The following IL23R variants were observed in gnomAD, a reference collection of about 807,000 sequenced individuals.
IL23R encodes the protein interleukin 23 receptor.
Under a neutral mutation model 56.9 loss-of-function variants are expected in IL23R, and 34 were observed. The ratio of observed to expected loss-of-function variants is 0.60; its 90% CI spans 0.45 to 0.80. The LOEUF is 0.80. Ranked by LOEUF, IL23R falls within the 30% of genes least tolerant of loss-of-function variation. The pLI, the probability that IL23R is intolerant of heterozygous loss-of-function variation, is 0.00. For missense variants in IL23R, 635 were observed against 730.0 expected, an observed-to-expected ratio of 0.87 and a Z score of 1.50; for synonymous variants, 230 against 249.2, an observed-to-expected ratio of 0.92 and a Z score of 0.73.
intron 8 of IL23R, among the ~76,000 whole-genome samples, chr1:67,239,913 A>T (rs1233866640): frequency 1.3e-5 from 2 of 152,214 alleles, no homozygotes; most frequent in Admixed American, 1.3e-4. Flanking sequence ...GCACAAGCCG[A>T]CCACATTTGC....
intron 4 of IL23R, among the ~76,000 whole-genome samples, chr1:67,185,591 T>C (rs572791176): frequency 6.6e-6 from 1 of 152,254 alleles, no homozygotes; most frequent in South Asian, 2.1e-4. Context: ...GAGAATAACC[T>C]AATCTTGCTC....
In IL23R at chr1:67,182,862, A is replaced by T; in HGVS notation, c.394A>T (p.Thr132Ser). 5 of 1,614,072 alleles carry T rather than the reference A, an allele frequency of 3.1e-6. No homozygotes were observed. Among genetic ancestry groups the T allele is most frequent in the Non-Finnish European group, 4.2e-6 (5 of 1,179,964 alleles). Residue 132 changes from threonine to serine, a missense_variant, in exon 4 of 11, where the codon ACC becomes TCC. Physicochemically the swap from Thr to Ser is moderately conservative, Grantham distance 58 (BLOSUM62 1). Coordinates refer to ENST00000347310, the MANE Select transcript of IL23R (RefSeq NM_144701.3). The part of the protein sequence containing the change: ...GYPPDIPDEV[T>S]CVIYEYSGNM... ...TCCGCCAGATATTCCTGATGAAGTA[A>T]CCTGTGTCATTTATGAATATTCAGG...
the IL23R span, among the ~76,000 whole-genome samples, chr1:67,265,870 T>C: frequency 9.3e-5 from 14 of 151,304 alleles, no homozygotes; most frequent in Non-Finnish European, 1.3e-4. Context: ...CAAGACCCTG[T>C]CTCAAAAAAA....
rs533039290 is a variant in IL23R, at chr1:67,200,046, G to GTTTTT, written c.492-690_492-686dup. Among the ~76,000 whole-genome samples, 436 of 152,144 alleles carry GTTTTT rather than the reference G, an allele frequency of 2.9e-3. 1 individual carries two copies. Among genetic ancestry groups the GTTTTT allele is most frequent in the African/African-American group, 9.4e-3 (392 of 41,524 alleles). On this transcript the variant is annotated intron_variant, in intron 4 of 10. Transcript: ENST00000347310. ...AATTAAATTTTAATTTTTTGTTTTT[G>GTTTTT]TTTTTGTTTTTGAGACGGAGTCTCG... is the stretch of plus-strand genomic sequence containing the variant.
In IL23R at chr1:67,259,502, C is replaced by A; in HGVS notation, c.*374C>A. On this transcript the variant is annotated 3_prime_UTR_variant, in exon 11 of 11. Coordinates refer to ENST00000347310, the MANE Select transcript of IL23R (RefSeq NM_144701.3). ...CATGCTTCATGGTCACACATACAGG[C>A]ACAAAAACAGCATTATGTGGACGCC... 3.5e-6 allele frequency: 1 copy of A among 283,834 alleles called. No individual in the cohort carries two copies. The highest frequency in any genetic ancestry group is 6.7e-6 in the Non-Finnish European group (1 of 148,784). 17.6% of individuals were successfully genotyped at this position (283,834 alleles called of 1,614,324 possible).
chr1:67,243,820 T>C (rs1183066457), intron 9 of IL23R, among the ~76,000 whole-genome samples: 1 of 152,226 alleles, frequency 6.6e-6, no homozygotes, highest in Non-Finnish European at 1.5e-5. Flanking sequence ...TTTGGGTATA[T>C]ACCCAGCAAT....
Position 67,147,191 on chromosome 1 carries a change from G to A in IL23R, c.-634+8030G>A, listed in dbSNP as rs561064481. ...GATGAGAGGTGGATGTTGCAAGCAA[G>A]AGTGAGTGCTGGTTCTGTCAAGTCT... On this transcript the variant is annotated intron_variant, in intron 1 of 10. Coordinates refer to the IL23R transcript ENST00000637002. Among the ~76,000 whole-genome samples, 39 of 152,292 alleles carry A rather than the reference G, an allele frequency of 2.6e-4. 1 individual carries two copies. The highest frequency in any genetic ancestry group is 3.4e-3 in the Middle Eastern group (1 of 294).
chr1:67,259,119 G>A lies in IL23R; in HGVS notation c.1881G>A (p.Leu627=). The change falls in exon 11 of 11, where the codon TTG becomes TTA. Residue 627 remains leucine, a synonymous_variant. Transcript: ENST00000347310. ...GCCACTTCAATAGGATTTCACTCTTGGAAAAGTAGAGCTGTGTGGTCAAAA... is the reference window on the plus strand; with the variant it reads ...GCCACTTCAATAGGATTTCACTCTTAGAAAAGTAGAGCTGTGTGGTCAAAA... ...LESHFNRISL[L]EK 6.2e-7 allele frequency: 1 copy of A among 1,613,788 alleles called. No individual in the cohort carries two copies. Among genetic ancestry groups the A allele is most frequent in the Non-Finnish European group, 8.5e-7 (1 of 1,179,880 alleles).
chr1:67,250,482 A>G (rs1652538438), intron 9 of IL23R, among the ~76,000 whole-genome samples: 1 of 152,208 alleles, frequency 6.6e-6, no homozygotes. Flanking sequence ...AATGCCTCCA[A>G]GATAGGTAAA....
chr1:67,141,512 C>A (rs1646637674), intron 1 of IL23R, among the ~76,000 whole-genome samples: 1 of 152,088 alleles, frequency 6.6e-6, no homozygotes, highest in Non-Finnish European at 1.5e-5. Flanking sequence ...AATCCCAGCA[C>A]TTTGGTAAGC....
chr1:67,223,299 C>T (rs1418275748), intron 7 of IL23R, among the ~76,000 whole-genome samples: 2 of 152,002 alleles, frequency 1.3e-5, no homozygotes, highest in Non-Finnish European at 2.9e-5. Context: ...AAGTCTTAAG[C>T]TTCAGGTAGA....
intron 4 of IL23R, among the ~76,000 whole-genome samples, chr1:67,192,033 G>C (rs750413249): frequency 6.6e-6 from 1 of 152,144 alleles, no homozygotes; most frequent in Non-Finnish European, 1.5e-5. Context: ...TATAAATAAG[G>C]AGTATAATAC....
intron 3 of IL23R, among the ~76,000 whole-genome samples, chr1:67,171,292 A>C (rs1350537054): frequency 6.6e-6 from 1 of 152,172 alleles, no homozygotes; most frequent in Non-Finnish European, 1.5e-5. Flanking sequence ...TAAAAAACAA[A>C]ATTTCAGCAA....
At chr1:67,207,229 G>A (rs1173448024) in intron 6 of IL23R, 174 bp downstream of exon 6, 5 of 746,270 alleles carry the variant, frequency 6.7e-6, no homozygotes, top group East Asian at 5.5e-5. Flanking sequence ...TTTTAGATTC[G>A]GGGGCACATG....
At chr1:67,158,432 T>C (rs2102540962) in intron 1 of IL23R, among the ~76,000 whole-genome samples, 1 of 152,242 alleles carries the variant, frequency 6.6e-6, no homozygotes, top group Non-Finnish European at 1.5e-5. Context: ...GGCTATTCCA[T>C]AGGCAATGTG....
At chr1:67,265,321 A>C in the IL23R span, among the ~76,000 whole-genome samples, 1 of 152,222 alleles carries the variant, frequency 6.6e-6, no homozygotes, top group African/African-American at 2.4e-5. Flanking sequence ...GAAAAGTGAC[A>C]GTTGCTATTC....
chr1:67,234,426 G>T (rs750155223), intron 7 of IL23R, among the ~76,000 whole-genome samples: 1 of 152,096 alleles, frequency 6.6e-6, no homozygotes, highest in Non-Finnish European at 1.5e-5. Flanking sequence ...TTTATTCCCT[G>T]TTAGGGCTAA....
chr1:67,240,777 C>T (rs527815218), intron 9 of IL23R, among the ~76,000 whole-genome samples: 18 of 152,210 alleles, frequency 1.2e-4, no homozygotes, highest in Non-Finnish European at 2.1e-4. Context: ...TTGGGCAGCC[C>T]CCAGAATTAC....
intron 4 of IL23R, among the ~76,000 whole-genome samples, chr1:67,194,682 G>T (rs1648004011): frequency 6.6e-6 from 1 of 152,062 alleles, no homozygotes. Flanking sequence ...CAGTATGTGT[G>T]GTAAAAGAAT....
Sources: allele counts gnomAD v4.1 joint callset (sites outside exome capture counted in the v4.1 genomes callset), GRCh38; gene constraint gnomAD v4.1.1; transcripts MANE v1.5; gene names NCBI Gene and HGNC (gene_info 2026-07-23, HGNC 2026-07-21).